Variants in ATP7B observed in about 807,000 individuals in gnomAD.
ATP7B encodes ATPase copper transporting beta.
A neutral mutation model predicts 118.9 loss-of-function variants in ATP7B; 113 were observed. The ratio of observed to expected loss-of-function variants is 0.95; its 90% CI spans 0.82 to 1.11. The LOEUF (loss-of-function observed/expected upper bound fraction) is 1.11, where lower values mean the gene tolerates loss of function less well. Among genes scored for constraint, ATP7B ranks in the 50% most tolerant of loss-of-function variants. The pLI is 0.00. For missense variants in ATP7B, 1,867 were observed against 1,871.4 expected, an observed-to-expected ratio of 1.00 and a Z score of 0.04; for synonymous variants, 777 against 727.4, an observed-to-expected ratio of 1.07 and a Z score of -1.10.
intron 2 of ATP7B, among the ~76,000 whole-genome samples, chr13:51,971,743 A>G (rs1034188362): frequency 6.6e-6 from 1 of 152,228 alleles, no homozygotes; most frequent in Non-Finnish European, 1.5e-5. Context: ...ATGAATGCCC[A>G]CTCCCTTCAG....
chr13:51,942,654 G>A, intron 14 of ATP7B, 100 bp from the exon 15 acceptor site: 2 of 1,451,044 alleles, frequency 1.4e-6, no homozygotes, highest in South Asian at 1.2e-5. Context: ...AAGGTGGCAA[G>A]AGAGCAGCGG....
intron 13 of ATP7B, 36 bp downstream of exon 13, chr13:51,946,248 T>C: frequency 6.5e-7 from 1 of 1,550,340 alleles, no homozygotes; most frequent in Non-Finnish European, 8.7e-7. Context: ...ACTACTTTCA[T>C]CTCTCAGGAT....
chr13:51,969,693 A>T (rs753650293), intron 3 of ATP7B, among the ~76,000 whole-genome samples: 3 of 152,208 alleles, frequency 2.0e-5, no homozygotes, highest in Non-Finnish European at 4.4e-5. Context: ...ACAGAAACAT[A>T]GGCTATAGGA....
intron 12 of ATP7B, among the ~76,000 whole-genome samples, chr13:51,946,903 C>A (rs1027514783): frequency 6.6e-6 from 1 of 152,094 alleles, no homozygotes; most frequent in Non-Finnish European, 1.5e-5. Flanking sequence ...GGCATAGGAG[C>A]GGCATTTAAG....
At position 51,937,584 on chromosome 13, in the gene ATP7B, C is replaced by T. The variant is rs1957046861; in HGVS notation, c.3795G>A (p.Val1265=). 5.0e-6 allele frequency: 8 copies of T among 1,614,288 alleles called. No individual in the cohort carries two copies. Among genetic ancestry groups the T allele is most frequent in the Admixed American group, 1.7e-5 (1 of 60,034 alleles). The change falls in exon 18 of 21, where the codon GTG becomes GTA. Residue 1265 remains valine (V), a synonymous_variant. Coordinates refer to ENST00000242839, the MANE Select transcript of ATP7B (RefSeq NM_000053.4). ...LQNKGKKVAM[V]GDGVNDSPAL... ...CCGGGGAGTCATTGACCCCATCCCC[C>T]ACCATGGCGACTTTCTTCCCTTTAT...
chr13:51,993,970 T>C (rs1164297517), intron 1 of ATP7B, among the ~76,000 whole-genome samples: 1 of 152,184 alleles, frequency 6.6e-6, no homozygotes, highest in African/African-American at 2.4e-5. Flanking sequence ...AGATTGGTGC[T>C]GGCCTTAAAA....
intron 1 of ATP7B, among the ~76,000 whole-genome samples, chr13:52,001,567 T>C (rs2140522509): frequency 6.6e-6 from 1 of 152,244 alleles, no homozygotes; most frequent in Admixed American, 6.5e-5. Context: ...AAGGGCTCAC[T>C]TCCTCACCTC....
intron 15 of ATP7B, among the ~76,000 whole-genome samples, chr13:51,941,966 A>G (rs150984831): frequency 0.01 from 1,576 of 152,366 alleles, 27 homozygotes; most frequent in African/African-American, 0.034. Flanking sequence ...CCCTCCAAGC[A>G]GTGTCCCTTC....
chr13:52,011,769 G>C (rs1247146487), upstream of ATP7B, among the ~76,000 whole-genome samples: 1 of 152,254 alleles, frequency 6.6e-6, no homozygotes, highest in African/African-American at 2.4e-5. Context: ...CCGCGGTCTC[G>C]GCCACCTCGC....
chr13:51,957,189 T>C (rs185720575), intron 9 of ATP7B, among the ~76,000 whole-genome samples: 6 of 152,350 alleles, frequency 3.9e-5, no homozygotes, highest in Non-Finnish European at 8.8e-5. Context: ...TGTCTGAATG[T>C]GTATCTTACT....
At chr13:52,001,040 A>G (rs956421918) in intron 1 of ATP7B, among the ~76,000 whole-genome samples, 3 of 152,148 alleles carry the variant, frequency 2.0e-5, no homozygotes, top group African/African-American at 7.2e-5. Flanking sequence ...ATTAAAATGA[A>G]TTTAAAATTA....
At chr13:51,978,888 G>A (rs1185802095) in intron 1 of ATP7B, 1 of 152,182 alleles carries the variant, frequency 6.6e-6, no homozygotes, top group Non-Finnish European at 1.5e-5. Context: ...CACTGGGGGT[G>A]GCCTGAATGG....
At chr13:51,940,888 G>C (rs1301824996) in intron 16 of ATP7B, among the ~76,000 whole-genome samples, 193 bp downstream of exon 16, 1 of 152,010 alleles carries the variant, frequency 6.6e-6, no homozygotes, top group East Asian at 1.9e-4. Flanking sequence ...AGCTGCTCTG[G>C]GGCCAAGATG....
At chr13:51,966,216 G>A (rs935235245) in intron 4 of ATP7B, among the ~76,000 whole-genome samples, 13 of 152,226 alleles carry the variant, frequency 8.5e-5, no homozygotes, top group African/African-American at 2.4e-4. Flanking sequence ...CCAAACCTAA[G>A]AGGTAAGTCT....
At chr13:51,938,903 G>A (rs936789667) in intron 17 of ATP7B, 148 bp downstream of exon 17, 1 of 1,294,130 alleles carries the variant, frequency 7.7e-7, no homozygotes, top group African/African-American at 1.5e-5. Context: ...AACACTACAT[G>A]GCCACAGAAT....
intron 16 of ATP7B, among the ~76,000 whole-genome samples, chr13:51,940,251 G>C (rs1330492931): frequency 6.7e-6 from 1 of 149,358 alleles, no homozygotes; most frequent in Non-Finnish European, 1.5e-5. Flanking sequence ...GACCTCAGGT[G>C]ATCCACCCAC....
intron 4 of ATP7B, among the ~76,000 whole-genome samples, chr13:51,965,558 T>G (rs774540666): frequency 3.2e-4 from 48 of 152,178 alleles, no homozygotes; most frequent in Non-Finnish European, 6.3e-4. Flanking sequence ...AAGTGGCTGA[T>G]GCAGGAGATG....
At chr13:51,965,655 C>CA (rs1274176282) in intron 4 of ATP7B, among the ~76,000 whole-genome samples, 1 of 152,178 alleles carries the variant, frequency 6.6e-6, no homozygotes, top group African/African-American at 2.4e-5. Context: ...AAAAAGACGA[C>CA]AGGCAGGATA....
At chr13:51,959,953 C>A (rs761436681) in intron 7 of ATP7B, 195 bp downstream of exon 7, 2 of 667,540 alleles carry the variant, frequency 3.0e-6, no homozygotes, top group Non-Finnish European at 2.6e-6. Context: ...GTCCCCCACA[C>A]TGGGGGGGCC....
Sources: allele counts gnomAD v4.1 joint callset (sites outside exome capture counted in the v4.1 genomes callset), GRCh38; gene constraint gnomAD v4.1.1; transcripts MANE v1.5; gene names NCBI Gene and HGNC (gene_info 2026-07-23, HGNC 2026-07-21).